Variants in PTPRD observed in about 807,000 individuals in gnomAD.
The protein encoded by PTPRD is protein tyrosine phosphatase receptor type D.
PTPRD carries 34 observed loss-of-function variants against 214.5 expected under a neutral mutation model. The observed-to-expected ratio is 0.16, with a 90% confidence interval of 0.12 to 0.21. PTPRD has a LOEUF of 0.21. Among genes scored for constraint, PTPRD ranks in the 10% least tolerant of loss-of-function variants. The pLI, the probability that PTPRD is intolerant of heterozygous loss-of-function variation, is 1.00. For missense variants in PTPRD, 2,545 were observed against 2,398.7 expected (o/e 1.06, Z -1.27); for synonymous variants, 1,128 against 845.7 (o/e 1.33, Z -5.79).
At chr9:10,591,658 G>A (rs1292011115) in intron 2 of PTPRD, among the ~76,000 whole-genome samples, 1 of 152,146 alleles carries the variant, frequency 6.6e-6, no homozygotes, top group Non-Finnish European at 1.5e-5. Context: ...ACTTTGGTGG[G>A]CAGCCTCCAA....
intron 2 of PTPRD, among the ~76,000 whole-genome samples, chr9:10,353,995 T>C (rs959502446): frequency 6.6e-6 from 1 of 152,106 alleles, no homozygotes; most frequent in Admixed American, 6.6e-5. Context: ...AAGAATAATA[T>C]AGTGAACTTC....
intron 2 of PTPRD, among the ~76,000 whole-genome samples, chr9:10,434,222 A>C (rs957959828): frequency 6.6e-6 from 1 of 151,848 alleles, no homozygotes; most frequent in African/African-American, 2.4e-5. Context: ...CTCCATATGC[A>C]TCACTCAGTC....
At chr9:9,780,398 AAAAT>A (rs1309219659) in intron 5 of PTPRD, among the ~76,000 whole-genome samples, 1 of 152,208 alleles carries the variant, frequency 6.6e-6, no homozygotes, top group Non-Finnish European at 1.5e-5. Context: ...TAAAATTAAA[AAAAT>A]AAAAGCAATT....
At chr9:9,893,793 C>G (rs537755063) in intron 5 of PTPRD, among the ~76,000 whole-genome samples, 40 of 152,172 alleles carry the variant, frequency 2.6e-4, no homozygotes, top group African/African-American at 9.6e-4. Context: ...TAGCTACCAC[C>G]TTGTCTTCTT....
chr9:10,558,619 T>C (rs1056696915), intron 2 of PTPRD, among the ~76,000 whole-genome samples: 3 of 152,178 alleles, frequency 2.0e-5, no homozygotes. Context: ...TTTTACAATT[T>C]ATGTCACTTT....
At chr9:9,137,550 T>C (rs982002347) in intron 10 of PTPRD, among the ~76,000 whole-genome samples, 1 of 152,174 alleles carries the variant, frequency 6.6e-6, no homozygotes, top group African/African-American at 2.4e-5. Context: ...TAACTCTCCA[T>C]AGAATAATCA....
chr9:9,424,320 G>C (rs1038259006), intron 8 of PTPRD, among the ~76,000 whole-genome samples: 1 of 152,198 alleles, frequency 6.6e-6, no homozygotes, highest in Non-Finnish European at 1.5e-5. Flanking sequence ...AACTAAGACA[G>C]TTGGTGCTGG....
At chr9:9,949,271 A>T (rs1376579701) in intron 4 of PTPRD, among the ~76,000 whole-genome samples, 1 of 152,138 alleles carries the variant, frequency 6.6e-6, no homozygotes, top group African/African-American at 2.4e-5. Context: ...AGATTTTAAA[A>T]ATTGAGACCA....
At chr9:8,921,065 C>T (rs1037352563) in intron 11 of PTPRD, among the ~76,000 whole-genome samples, 2 of 152,230 alleles carry the variant, frequency 1.3e-5, no homozygotes, top group East Asian at 1.9e-4. Context: ...CCGCGCGCCT[C>T]GGCCTCCCAA....
At chr9:8,810,380 C>T (rs938573676) in intron 11 of PTPRD, among the ~76,000 whole-genome samples, 11 of 152,174 alleles carry the variant, frequency 7.2e-5, no homozygotes, top group African/African-American at 2.2e-4. Flanking sequence ...TCTTCCTCTT[C>T]CTTTGAAAGC....
chr9:9,935,578 G>T (rs1008303822), intron 5 of PTPRD, among the ~76,000 whole-genome samples: 1 of 151,708 alleles, frequency 6.6e-6, no homozygotes, highest in African/African-American at 2.4e-5. Flanking sequence ...AATAAAAGAG[G>T]ATACAAACAA....
intron 10 of PTPRD, among the ~76,000 whole-genome samples, chr9:9,138,325 C>T (rs1049058032): frequency 1.3e-5 from 2 of 151,958 alleles, no homozygotes; most frequent in African/African-American, 4.8e-5. Context: ...ATTTATATGA[C>T]ATGAAATAGC....
intron 8 of PTPRD, among the ~76,000 whole-genome samples, chr9:9,438,484 T>G (rs1286001997): frequency 6.6e-6 from 1 of 152,204 alleles, no homozygotes; most frequent in African/African-American, 2.4e-5. Flanking sequence ...GACTCCACTT[T>G]ACTGCTATGA....
At chr9:8,892,713 A>ATG (rs925598128) in intron 11 of PTPRD, among the ~76,000 whole-genome samples, 14 of 141,770 alleles carry the variant, frequency 9.9e-5, no homozygotes, top group Admixed American at 2.8e-4. Context: ...GTGTGCGTAT[A>ATG]TGTGTATATA....
intron 9 of PTPRD, among the ~76,000 whole-genome samples, chr9:9,243,443 T>A (rs1024124205): frequency 6.6e-6 from 1 of 152,108 alleles, no homozygotes; most frequent in Admixed American, 6.6e-5. Context: ...TTATCCACCA[T>A]AATCAAGTGG....
chr9:8,331,161 A>AGAACTT (rs1840322120), intron 44 of PTPRD, among the ~76,000 whole-genome samples: 1 of 148,658 alleles, frequency 6.7e-6, no homozygotes, highest in East Asian at 1.9e-4. Flanking sequence ...ATTGACTGGC[A>AGAACTT]GAACTTAATA....
intron 10 of PTPRD, among the ~76,000 whole-genome samples, chr9:9,099,184 A>G (rs2099787910): frequency 6.6e-6 from 1 of 152,228 alleles, no homozygotes; most frequent in Non-Finnish European, 1.5e-5. Context: ...GTACACATTT[A>G]TTAGCAACAG....
intron 2 of PTPRD, among the ~76,000 whole-genome samples, chr9:10,551,197 T>A (rs954013994): frequency 3.3e-5 from 5 of 151,954 alleles, no homozygotes; most frequent in African/African-American, 1.2e-4. Flanking sequence ...AAAGTAGCCA[T>A]GTATCATGTC....
intron 2 of PTPRD, among the ~76,000 whole-genome samples, chr9:10,611,780 CT>C: frequency 6.6e-6 from 1 of 152,166 alleles, no homozygotes; most frequent in Non-Finnish European, 1.5e-5. Context: ...TAAGTTCATT[CT>C]AATTCTCCAA....
Sources: allele counts gnomAD v4.1 joint callset (sites outside exome capture counted in the v4.1 genomes callset), GRCh38; gene constraint gnomAD v4.1.1; transcripts MANE v1.5; gene names NCBI Gene and HGNC (gene_info 2026-07-23, HGNC 2026-07-21).